The following GABRA4 variants were observed in gnomAD, a reference collection of about 807,000 sequenced individuals.
GABRA4 encodes the protein gamma-aminobutyric acid receptor subunit alpha-4.
A neutral mutation model predicts 49.7 loss-of-function variants in GABRA4; 12 were observed. That is an observed-to-expected ratio of 0.24 (90% CI 0.15 to 0.39). The LOEUF (loss-of-function observed/expected upper bound fraction) is 0.39. Ranked by LOEUF, GABRA4 falls within the 10% of genes least tolerant of loss-of-function variation. The pLI, the probability that GABRA4 is intolerant of heterozygous loss-of-function variation, is 1.00. For synonymous variants in GABRA4, 288 were observed against 240.2 expected (o/e 1.20, Z -1.84); for missense variants, 506 against 686.0 (o/e 0.74, Z 2.93).
chr4:46,939,845 T>C (rs1231941574), intron 8 of GABRA4, among the ~76,000 whole-genome samples: 1 of 152,016 alleles, frequency 6.6e-6, no homozygotes, highest in Non-Finnish European at 1.5e-5. Context: ...AGGTTCTTAC[T>C]GATCGTTCTT....
chr4:46,940,859 C>A (rs935612328), intron 8 of GABRA4, among the ~76,000 whole-genome samples: 3 of 152,062 alleles, frequency 2.0e-5, no homozygotes, highest in Non-Finnish European at 4.4e-5. Context: ...AAAAAACATT[C>A]AACGTTTAAC....
At chr4:46,992,488 A>G (rs1723792486) in intron 2 of GABRA4, among the ~76,000 whole-genome samples, 1 of 152,174 alleles carries the variant, frequency 6.6e-6, no homozygotes, top group South Asian at 2.1e-4. Flanking sequence ...CGAAGTGGCC[A>G]GGTTCAGGGA....
chr4:46,939,080 C>T (rs1487015403), intron 8 of GABRA4, among the ~76,000 whole-genome samples: 8 of 151,888 alleles, frequency 5.3e-5, no homozygotes, highest in African/African-American at 1.9e-4. Context: ...AAAAGAGCTC[C>T]TCATTCCCTT....
rs1043891623 is a variant in GABRA4, at chr4:46,922,610, G to A, written c.*5615C>T. The A allele has an allele frequency of 2.6e-5, 4 of 152,000 alleles. No individual in the cohort carries two copies. Among genetic ancestry groups the A allele is most frequent in the African/African-American group, 9.7e-5 (4 of 41,372 alleles). The allele number at this position is 152,000 out of a possible 1,614,324, so 9.4% of individuals were successfully genotyped here. A position where few individuals can be genotyped will look rare whatever the true frequency, so the allele number is the denominator to read the frequency against. On this transcript the variant is annotated 3_prime_UTR_variant, in exon 9 of 9. Transcript: ENST00000264318. ...TCTCATTAATAGAGAAACATGAGAA[G>A]CTCAAAGAAGATATTTCAATAAAGC...
chr4:46,932,857 A>G lies in GABRA4; in HGVS notation c.1135-4102T>C, dbSNP rs529420351. Among the ~76,000 whole-genome samples, 43 of 152,242 alleles carry G rather than the reference A, an allele frequency of 2.8e-4. 1 individual carries two copies. The highest frequency in any genetic ancestry group is 1.0e-3 in the African/African-American group (42 of 41,560). On this transcript the variant is annotated intron_variant, in intron 8 of 8. Coordinates refer to ENST00000264318, the MANE Select transcript of GABRA4 (RefSeq NM_000809.4). ...CTAAGTGGGTCTCTCATTAATTAAC[A>G]ATTGAACCAATCTTGGAGACCTGTC...
rs1360145655 is a variant in GABRA4, at chr4:46,926,076, A to C, written c.*2149T>G. ...AAAGAGTAAGAGTTCCTCACCAAAA[A>C]CAACAACAACAACAACAACAACAAC... On this transcript the variant is annotated 3_prime_UTR_variant, in exon 9 of 9. Coordinates refer to ENST00000264318, the MANE Select transcript of GABRA4 (RefSeq NM_000809.4). The C allele has an allele frequency of 2.8e-5, 1 of 36,234 alleles. No homozygotes were observed. The highest frequency in any genetic ancestry group is 7.9e-5 in the African/African-American group (1 of 12,692). 2.2% of individuals were successfully genotyped at this position (36,234 alleles called of 1,614,324 possible). A position where few individuals can be genotyped will look rare whatever the true frequency, so the allele number is the denominator to read the frequency against.
In GABRA4 at chr4:46,992,851, T is replaced by C. The variant is rs1358483572; in HGVS notation, c.182A>G (p.Asn61Ser). The C allele has an allele frequency of 6.2e-7, 1 of 1,613,994 alleles. No individual in the cohort carries two copies. The highest frequency in any genetic ancestry group is 1.7e-5 in the Admixed American group (1 of 60,014). The change falls in exon 2 of 9, where the codon AAC (asparagine) becomes AGC (serine). Residue 61 changes from asparagine (N) to serine (S), a missense_variant. Transcript: ENST00000264318. ...ACCCCCAAATCCAGGACGCAGCCTG[T>C]TGTCATAACCATCGAGCAAACTGTC... ...ILDSLLDGYDNRLRPGFGGPV... is the reference protein window; with the variant it reads ...ILDSLLDGYDSRLRPGFGGPV...
intron 8 of GABRA4, among the ~76,000 whole-genome samples, chr4:46,956,775 A>G (rs886500119): frequency 6.6e-6 from 1 of 152,040 alleles, no homozygotes; most frequent in African/African-American, 2.4e-5. Context: ...ACTGGGGAAA[A>G]ATATATTACT....
chr4:46,966,730 C>T (rs542881258), intron 7 of GABRA4, among the ~76,000 whole-genome samples: 40 of 151,832 alleles, frequency 2.6e-4, no homozygotes, highest in African/African-American at 9.4e-4. Context: ...AAAATTGGAG[C>T]AACTGTGCAA....
chr4:46,984,029 G>A (rs1214316339), intron 2 of GABRA4, among the ~76,000 whole-genome samples: 1 of 151,980 alleles, frequency 6.6e-6, no homozygotes, highest in Non-Finnish European at 1.5e-5. Context: ...GGCAATTAAC[G>A]ATGAATCAGA....
At chr4:46,938,506 A>G (rs186387304) in intron 8 of GABRA4, among the ~76,000 whole-genome samples, 1 of 152,260 alleles carries the variant, frequency 6.6e-6, no homozygotes, top group East Asian at 1.9e-4. Flanking sequence ...TCCATAGCTC[A>G]GGAATTATAA....
chr4:46,991,783 T>C (rs1290586805), intron 2 of GABRA4, among the ~76,000 whole-genome samples: 1 of 152,230 alleles, frequency 6.6e-6, no homozygotes, highest in East Asian at 1.9e-4. Flanking sequence ...TTGTGAGGGT[T>C]AAACAGAGTG....
At chr4:46,976,462 A>C (rs1409078694) in intron 5 of GABRA4, among the ~76,000 whole-genome samples, 1 of 151,328 alleles carries the variant, frequency 6.6e-6, no homozygotes, top group Non-Finnish European at 1.5e-5. Flanking sequence ...TTTAGATAGA[A>C]TCCAAACTCC....
chr4:46,958,512 G>A (rs1480431844), intron 8 of GABRA4, among the ~76,000 whole-genome samples: 2 of 151,784 alleles, frequency 1.3e-5, no homozygotes, highest in South Asian at 2.1e-4. Context: ...CAAATCACCT[G>A]CATCCATGAG....
intron 8 of GABRA4, among the ~76,000 whole-genome samples, chr4:46,936,728 C>G (rs1331623692): frequency 1.3e-5 from 2 of 152,140 alleles, no homozygotes; most frequent in African/African-American, 4.8e-5. Flanking sequence ...CACTGGCAAC[C>G]CAGTTTGGCT....
intron 2 of GABRA4, among the ~76,000 whole-genome samples, chr4:46,983,788 T>G (rs61409453): frequency 0.11 from 16,128 of 152,106 alleles, 932 homozygotes; most frequent in South Asian, 0.19. Context: ...TGGAAGGATT[T>G]CTTCCCATAA....
chr4:46,973,817 A>G (rs1462617932), intron 6 of GABRA4, among the ~76,000 whole-genome samples: 1 of 151,788 alleles, frequency 6.6e-6, no homozygotes, highest in Non-Finnish European at 1.5e-5. Context: ...GTTTACTTTC[A>G]GAAAATGAGA....
In GABRA4 at chr4:46,987,605, A is replaced by G. The variant is rs566634424; in HGVS notation, c.205+5223T>C. ...TTACTTCTCTCTCTTTTTTTTTAAC[A>G]TCCATATCAAGTCAATCGCCAATTC... On this transcript the variant is annotated intron_variant, in intron 2 of 8. Coordinates refer to ENST00000264318, the MANE Select transcript of GABRA4 (RefSeq NM_000809.4). 1.4e-3 allele frequency among the ~76,000 whole-genome samples: 218 copies of G among 152,018 alleles called. 1 individual carries two copies. Among genetic ancestry groups the G allele is most frequent in the Middle Eastern group, 3.4e-3 (1 of 294 alleles).
chr4:46,964,074 C>G (rs1405773530), intron 8 of GABRA4, among the ~76,000 whole-genome samples: 3 of 151,790 alleles, frequency 2.0e-5, no homozygotes, highest in Non-Finnish European at 4.4e-5. Flanking sequence ...AATGACTATT[C>G]AGCCATAAAA....
Sources: gnomAD v4.1 joint callset for allele counts (sites outside exome capture counted in the v4.1 genomes callset) on GRCh38, gnomAD v4.1.1 for gene constraint, MANE v1.5 for transcripts, NCBI Gene and HGNC (gene_info 2026-07-23, HGNC 2026-07-21) for gene names.